SLC6A17: variants seen among roughly 807,000 people sequenced by gnomAD.
The protein encoded by SLC6A17 is sodium-dependent neutral amino acid transporter SLC6A17.
A neutral mutation model predicts 64.5 loss-of-function variants in SLC6A17; 21 were observed. The observed-to-expected ratio is 0.33, with a 90% confidence interval of 0.23 to 0.47. The LOEUF is 0.47. SLC6A17 is among the 20% of genes least tolerant of loss of function. The pLI is 1.00. For synonymous variants in SLC6A17, 372 were observed against 399.5 expected, an observed-to-expected ratio of 0.93 and a Z score of 0.82; for missense variants, 682 against 963.2, an observed-to-expected ratio of 0.71 and a Z score of 3.86.
intron 6 of SLC6A17, chr1:110,178,088 C>A (rs1656417785): frequency 6.6e-6 from 1 of 152,186 alleles, no homozygotes; most frequent in South Asian, 2.1e-4. Flanking sequence ...AACCTGGTTT[C>A]TTTGGGAGAA....
intron 1 of SLC6A17, among the ~76,000 whole-genome samples, chr1:110,161,950 T>C (rs1427993086): frequency 6.6e-6 from 1 of 152,210 alleles, no homozygotes; most frequent in Non-Finnish European, 1.5e-5. Flanking sequence ...ACACTATTTT[T>C]TCTCCTTTCA....
rs12752995 is a variant in SLC6A17, at chr1:110,174,668, C to T, written c.572-111C>T. 9.0e-3 allele frequency: 12,327 copies of T among 1,369,954 alleles called. 85 individuals are homozygous for T. Among genetic ancestry groups the T allele is most frequent in the Non-Finnish European group, 0.011 (11,111 of 998,194 alleles). 84.9% of individuals were successfully genotyped at this position (1,369,954 alleles called of 1,614,324 possible). A position where few individuals can be genotyped will look rare whatever the true frequency, so the allele number is the denominator to read the frequency against. ...AGATGAGCACAGCCCCTCCCAGCTG[C>T]CCACCCTCAGCAGCTCCCTCACCCA... On this transcript the variant is annotated intron_variant, in intron 4 of 11. Transcript: ENST00000331565.
chr1:110,186,816 A>G (rs1656698349), intron 6 of SLC6A17, among the ~76,000 whole-genome samples: 1 of 152,262 alleles, frequency 6.6e-6, no homozygotes, highest in South Asian at 2.1e-4. Context: ...GGTATTGACA[A>G]GAGCTGTGAG....
At chr1:110,176,499 C>A in intron 5 of SLC6A17, 130 bp from the exon 6 acceptor site, 1 of 839,786 alleles carries the variant, frequency 1.2e-6, no homozygotes, top group Non-Finnish European at 1.9e-6. Flanking sequence ...GGCCCTCTGC[C>A]CAGGGGTTCC....
Position 110,166,919 on chromosome 1 carries a change from A to T in SLC6A17, c.-11A>T. 1 of 1,599,192 alleles carries T rather than the reference A, an allele frequency of 6.3e-7. No individual in the cohort carries two copies. ...GCTGGGGAGCAGGGCTACACGGCCCAGGTGGCATCAATGCCGAAGAACAGC... is the reference window on the plus strand; with the variant it reads ...GCTGGGGAGCAGGGCTACACGGCCCTGGTGGCATCAATGCCGAAGAACAGC... On this transcript the variant is annotated 5_prime_UTR_variant, in exon 2 of 12. Transcript: ENST00000331565.
chr1:110,162,887 C>T lies in SLC6A17; in HGVS notation c.-87-3956C>T, dbSNP rs148356680. Among the ~76,000 whole-genome samples, 266 of 152,040 alleles carry T rather than the reference C, an allele frequency of 1.7e-3. 1 individual carries two copies. The highest frequency in any genetic ancestry group is 6.0e-3 in the African/African-American group (249 of 41,464). On this transcript the variant is annotated intron_variant, in intron 1 of 11. Coordinates refer to ENST00000331565, the MANE Select transcript of SLC6A17 (RefSeq NM_001010898.4). ...TGAGGTGGGCACCGCTGGCACCCTC[C>T]CTTGACACATGAGGAAACTGAAGCT...
chr1:110,181,159 G>A (rs1656513378), intron 6 of SLC6A17, among the ~76,000 whole-genome samples: 1 of 152,120 alleles, frequency 6.6e-6, no homozygotes, highest in African/African-American at 2.4e-5. Context: ...AAAAACCCAG[G>A]TCAGCATGGG....
intron 6 of SLC6A17, among the ~76,000 whole-genome samples, chr1:110,188,458 C>A (rs186869933): frequency 6.6e-6 from 1 of 152,180 alleles, no homozygotes; most frequent in African/African-American, 2.4e-5. Flanking sequence ...ACCTTCCTTC[C>A]GGCATACTCA....
At position 110,201,139 on chromosome 1, in the gene SLC6A17, ATTC is replaced by A. The variant is rs1235222582; in HGVS notation, c.*2698_*2700del. 6.6e-6 allele frequency: 1 copy of A among 152,106 alleles called. No homozygotes were observed. Among genetic ancestry groups the A allele is most frequent in the Non-Finnish European group, 1.5e-5 (1 of 68,008 alleles). The allele number at this position is 152,106 out of a possible 1,614,324, so 9.4% of individuals were successfully genotyped here. A position where few individuals can be genotyped will look rare whatever the true frequency, so the allele number is the denominator to read the frequency against. On this transcript the variant is annotated 3_prime_UTR_variant, in exon 12 of 12. Transcript: ENST00000331565. Reference sequence around the variant, plus strand: ...TCTTCTCCAGAGGAAAAGTACTAGGATTCTTAAGATGGCGAGACCCCAAGAGGG... The same window carrying A: ...TCTTCTCCAGAGGAAAAGTACTAGGATTAAGATGGCGAGACCCCAAGAGGG...
At chr1:110,176,505 G>A (rs945714516) in intron 5 of SLC6A17, 124 bp from the exon 6 acceptor site, 15 of 889,448 alleles carry the variant, frequency 1.7e-5, no homozygotes, top group African/African-American at 9.9e-5. Flanking sequence ...CTGCCCAGGG[G>A]TTCCAGGGCT....
At chr1:110,179,143 G>A (rs775972612) in intron 6 of SLC6A17, among the ~76,000 whole-genome samples, 24 of 152,200 alleles carry the variant, frequency 1.6e-4, no homozygotes, top group African/African-American at 2.9e-4. Flanking sequence ...ATAGTATTTC[G>A]CTGTAGGACT....
chr1:110,154,048 A>C (rs1458961464), intron 1 of SLC6A17, among the ~76,000 whole-genome samples: 1 of 152,204 alleles, frequency 6.6e-6, no homozygotes, highest in East Asian at 1.9e-4. Flanking sequence ...CCTACTTTGC[A>C]TGCTTTTAGG....
intron 1 of SLC6A17, among the ~76,000 whole-genome samples, chr1:110,158,533 G>A (rs973574059): frequency 6.6e-6 from 1 of 152,186 alleles, no homozygotes; most frequent in African/African-American, 2.4e-5. Context: ...TGCCCCTGAG[G>A]GCCTGGCCTG....
rs745320211 is a variant in SLC6A17 at position 110,198,157 on chromosome 1, C to A, written c.1897C>A (p.Pro633Thr). ...CATCGTCGTGGCGACGCTGCCCATCCCTGTGGTGTTCGTCCTGCGGCACTT... is the reference window on the plus strand; with the variant it reads ...CATCGTCGTGGCGACGCTGCCCATCACTGTGGTGTTCGTCCTGCGGCACTT... ...TLIVVATLPI[P>T]VVFVLRHFHL... The change falls in exon 12 of 12, where the codon CCT becomes ACT. Residue 633 changes from proline to threonine, a missense_variant. Pro to Thr is a conservative substitution (Grantham distance 38). Transcript: ENST00000331565. 1 of 1,614,090 alleles carries A rather than the reference C, an allele frequency of 6.2e-7. No homozygotes were observed. The highest frequency in any genetic ancestry group is 1.3e-5 in the African/African-American group (1 of 75,058).
chr1:110,175,479 C>T (rs1656351134), intron 5 of SLC6A17, among the ~76,000 whole-genome samples: 1 of 152,198 alleles, frequency 6.6e-6, no homozygotes, highest in Non-Finnish European at 1.5e-5. Context: ...CACCTCTTCC[C>T]AGCATTTCAG....
At chr1:110,187,469 C>T (rs1656715476) in intron 6 of SLC6A17, among the ~76,000 whole-genome samples, 1 of 152,220 alleles carries the variant, frequency 6.6e-6, no homozygotes, top group African/African-American at 2.4e-5. Flanking sequence ...GGGTAGGCTA[C>T]AGTCTGTTTA....
At chr1:110,163,725 AC>A (rs1423358839) in intron 1 of SLC6A17, among the ~76,000 whole-genome samples, 2 of 151,640 alleles carry the variant, frequency 1.3e-5, no homozygotes, top group Admixed American at 6.6e-5. Context: ...TCCCCAGCAC[AC>A]CTCTCCCTGT....
intron 1 of SLC6A17, among the ~76,000 whole-genome samples, chr1:110,154,990 G>T (rs1340225724): frequency 6.6e-6 from 1 of 152,024 alleles, no homozygotes. Flanking sequence ...CGTGTCCGTG[G>T]CCGTTCTGGG....
Position 110,192,771 on chromosome 1 carries a change from C to A in SLC6A17, c.1299+73C>A. The A allele has an allele frequency of 6.8e-7, 1 of 1,475,316 alleles. No homozygotes were observed. Among genetic ancestry groups the A allele is most frequent in the Admixed American group, 2.1e-5 (1 of 46,658 alleles). 91.4% of individuals were successfully genotyped at this position (1,475,316 alleles called of 1,614,324 possible). Reference sequence around the variant, plus strand: ...CAGCTGTGGCCGGCGGGAGCTTGGGCTCAGGCCTCAGGATGCTGACAGGTA... The same window carrying A: ...CAGCTGTGGCCGGCGGGAGCTTGGGATCAGGCCTCAGGATGCTGACAGGTA... On this transcript the variant is annotated intron_variant, in intron 8 of 11. Coordinates refer to ENST00000331565, the MANE Select transcript of SLC6A17 (RefSeq NM_001010898.4). The surrounding 1 kb of genome is among the most constrained non-coding windows in gnomAD (Gnocchi z 4.3).
Sources: allele counts gnomAD v4.1 joint callset (sites outside exome capture counted in the v4.1 genomes callset), GRCh38; gene constraint gnomAD v4.1.1; non-coding constraint Gnocchi (gnomAD v3.1); transcripts MANE v1.5; gene names NCBI Gene and HGNC (gene_info 2026-07-23, HGNC 2026-07-21).